The following CIMAP1A variants were observed in gnomAD, a reference collection of about 807,000 sequenced individuals.
CIMAP1A encodes cancer/testis antigen 135.
chr11:199,148 C>T, the CIMAP1A span: 20 of 1,406,242 alleles, frequency 1.4e-5, no homozygotes, highest in Non-Finnish European at 1.8e-5. Context: ...GATGCCATTG[C>T]CAGCGTGAGG....
chr11:200,137 T>A, the CIMAP1A span: 2 of 1,162,602 alleles, frequency 1.7e-6, no homozygotes, highest in Non-Finnish European at 2.5e-6. Flanking sequence ...AGCCTGGCCC[T>A]GCAGGGCAGA....
chr11:197,671 C>G, the CIMAP1A span: 2 of 1,613,742 alleles, frequency 1.2e-6, no homozygotes, highest in Non-Finnish European at 8.5e-7. Flanking sequence ...CAATGTAAAC[C>G]CCAAGATACT....
At chr11:200,192 C>T in the CIMAP1A span, 7 of 630,376 alleles carry the variant, frequency 1.1e-5, no homozygotes, top group Middle Eastern at 2.7e-4. Flanking sequence ...TTTTTCTATG[C>T]TATTTTACCA....
At chr11:198,285 GT>G in the CIMAP1A span, 1 of 1,614,044 alleles carries the variant, frequency 6.2e-7, no homozygotes, top group Non-Finnish European at 8.5e-7. Flanking sequence ...GGCATTCCGA[GT>G]GGACAGCACC....
chr11:199,171 A>G, the CIMAP1A span: 1 of 1,421,982 alleles, frequency 7.0e-7, no homozygotes, highest in Non-Finnish European at 9.2e-7. Context: ...GAAATGGAGG[A>G]AGTGACCCCC....
the CIMAP1A span, chr11:197,719 C>G: frequency 6.2e-7 from 1 of 1,613,832 alleles, no homozygotes; most frequent in African/African-American, 1.3e-5. Flanking sequence ...CTACTCCATC[C>G]TGGGGCGCTA....
At chr11:198,715 G>A in the CIMAP1A span, 6 of 1,484,474 alleles carry the variant, frequency 4.0e-6, no homozygotes, top group Non-Finnish European at 5.4e-6. Flanking sequence ...TCACCCTCTG[G>A]GCACCTGCCA....
At chr11:199,051 C>A in the CIMAP1A span, 1 of 1,231,500 alleles carries the variant, frequency 8.1e-7, no homozygotes, top group Non-Finnish European at 1.0e-6. Flanking sequence ...GTTGATTTTG[C>A]CAGCCCCAGG....
chr11:198,878 G>A, the CIMAP1A span: 3 of 1,280,934 alleles, frequency 2.3e-6, no homozygotes, highest in South Asian at 4.3e-5. Flanking sequence ...AGGGTAGCAT[G>A]GAAAGAAGAG....
At chr11:198,420 C>A in the CIMAP1A span, 1 of 1,613,126 alleles carries the variant, frequency 6.2e-7, no homozygotes, top group Non-Finnish European at 8.5e-7. Flanking sequence ...AGGGAAGGAG[C>A]AGTGGGCCCT....
the CIMAP1A span, chr11:199,641 A>T: frequency 3.5e-5 from 23 of 662,042 alleles, no homozygotes; most frequent in Non-Finnish European, 4.5e-5. Flanking sequence ...GGAAGGACAC[A>T]GCCAAGAAGG....
At chr11:200,012 C>T in the CIMAP1A span, 1 of 1,614,072 alleles carries the variant, frequency 6.2e-7, no homozygotes, top group Non-Finnish European at 8.5e-7. Flanking sequence ...ACATGACTCC[C>T]CTGCTGGTTG....
the CIMAP1A span, chr11:199,429 C>T: frequency 6.4e-7 from 1 of 1,572,192 alleles, no homozygotes; most frequent in African/African-American, 1.3e-5. Flanking sequence ...CAAGGCTCCG[C>T]AGTACACCAT....
the CIMAP1A span, chr11:199,801 GCT>G: frequency 6.9e-7 from 1 of 1,456,224 alleles, no homozygotes; most frequent in Non-Finnish European, 9.0e-7. Context: ...ACTGCTGAGT[GCT>G]CTGTGTTCAA....
At chr11:197,344 C>T in the CIMAP1A span, 3 of 1,593,842 alleles carry the variant, frequency 1.9e-6, no homozygotes, top group Non-Finnish European at 2.6e-6. Flanking sequence ...GAGGCCCCAT[C>T]GCCCCCGGGG....
chr11:197,841 C>A, the CIMAP1A span: 1 of 1,537,604 alleles, frequency 6.5e-7, no homozygotes, highest in Non-Finnish European at 8.8e-7. Flanking sequence ...AACCTCATGT[C>A]AGCAAGGGTG....
At chr11:198,118 T>C in the CIMAP1A span, 8 of 1,561,650 alleles carry the variant, frequency 5.1e-6, no homozygotes, top group Non-Finnish European at 6.9e-6. Context: ...GCCTAGAATG[T>C]TGGGGAGTCC....
the CIMAP1A span, chr11:199,460 C>A: frequency 6.4e-7 from 1 of 1,563,320 alleles, no homozygotes; most frequent in Admixed American, 1.9e-5. Flanking sequence ...GTGGAGCCCC[C>A]AGGGGACAAG....
chr11:200,207 T>C, the CIMAP1A span: 1 of 607,152 alleles, frequency 1.6e-6, no homozygotes, highest in Middle Eastern at 3.2e-4. Context: ...TTACCATTTT[T>C]TAATCTTGTT....
Sources: gnomAD v4.1 joint callset for allele counts on GRCh38, gnomAD v4.1.1 for gene constraint, MANE v1.5 for transcripts, NCBI Gene and HGNC (gene_info 2026-07-23, HGNC 2026-07-21) for gene names.